Variants in ERBIN observed in about 807,000 individuals in gnomAD.
ERBIN encodes the protein densin-180-like protein.
A neutral mutation model predicts 158.4 loss-of-function variants in ERBIN; 60 were observed. The observed-to-expected ratio is 0.38, with a 90% CI of 0.31 to 0.47. ERBIN has a LOEUF of 0.47. ERBIN is among the 20% of genes least tolerant of loss of function. The pLI is 0.99. For synonymous variants in ERBIN, 594 were observed against 557.2 expected (o/e 1.07, Z -0.93); for missense variants, 1,610 against 1,648.0 (o/e 0.98, Z 0.40).
intron 4 of ERBIN, among the ~76,000 whole-genome samples, chr5:65,999,737 T>C (rs944492252): frequency 1.3e-5 from 2 of 152,212 alleles, no homozygotes; most frequent in Non-Finnish European, 2.9e-5. Flanking sequence ...TTCCTCTCAT[T>C]ATTTTATTCA....
At chr5:65,965,897 G>A (rs1044079488) in intron 1 of ERBIN, among the ~76,000 whole-genome samples, 2 of 152,178 alleles carry the variant, frequency 1.3e-5, no homozygotes, top group East Asian at 3.8e-4. Context: ...ATTTAGTCAT[G>A]CCTGTATCCT....
intron 1 of ERBIN, among the ~76,000 whole-genome samples, chr5:65,955,322 T>G (rs1746971733): frequency 6.6e-6 from 1 of 152,130 alleles, no homozygotes; most frequent in South Asian, 2.1e-4. Context: ...GTAATCTGCT[T>G]CTTGAAAAGA....
intron 1 of ERBIN, among the ~76,000 whole-genome samples, chr5:65,935,816 A>G (rs7703075): frequency 0.043 from 6,561 of 152,168 alleles, 485 homozygotes; most frequent in African/African-American, 0.15. Context: ...CTTTGAACTC[A>G]TGGCCTCAAT....
intron 1 of ERBIN, among the ~76,000 whole-genome samples, chr5:65,968,897 G>C (rs1352631317): frequency 6.6e-6 from 1 of 152,154 alleles, no homozygotes; most frequent in Admixed American, 6.5e-5. Flanking sequence ...AAATTATGTA[G>C]CTCAATTCAT....
rs1247120513 is a variant in ERBIN at position 66,081,209 on chromosome 5, T to C, written c.*2679T>C. On this transcript the variant is annotated 3_prime_UTR_variant, in exon 26 of 26. Coordinates refer to ENST00000284037, the MANE Select transcript of ERBIN (RefSeq NM_001253697.2). ...AAAAATAATACTGATCAGAGTAATT[T>C]ATACGGCATACAATAGTTGATACAA... 1 of 152,006 alleles carries C rather than the reference T, an allele frequency of 6.6e-6. No homozygotes were observed. Among genetic ancestry groups the C allele is most frequent in the Non-Finnish European group, 1.5e-5 (1 of 67,874 alleles). The allele number at this position is 152,006 out of a possible 1,614,324, so 9.4% of individuals were successfully genotyped here. A position where few individuals can be genotyped will look rare whatever the true frequency, so the allele number is the denominator to read the frequency against.
At chr5:65,974,641 C>G (rs1257411089) in intron 1 of ERBIN, among the ~76,000 whole-genome samples, 1 of 152,222 alleles carries the variant, frequency 6.6e-6, no homozygotes, top group East Asian at 1.9e-4. Flanking sequence ...TGCTTTTACT[C>G]AGGTTCTTAC....
At chr5:65,939,078 G>A (rs1460114719) in intron 1 of ERBIN, among the ~76,000 whole-genome samples, 1 of 152,134 alleles carries the variant, frequency 6.6e-6, no homozygotes, top group Non-Finnish European at 1.5e-5. Context: ...GGTTACATAT[G>A]TATGGATTTT....
intron 14 of ERBIN, among the ~76,000 whole-genome samples, chr5:66,034,307 T>A (rs978214283): frequency 5.9e-5 from 9 of 151,776 alleles, no homozygotes; most frequent in Non-Finnish European, 1.0e-4. Flanking sequence ...TTTTTTTTTT[T>A]AAGACAGAGT....
rs142349499 is a variant in ERBIN at position 66,054,392 on chromosome 5, C to G, written c.3074C>G (p.Ser1025Cys). The part of the protein sequence containing the change: ...STENQSYAKH[S>C]ANMNFSNHNN... ...GAAAATCAAAGTTATGCTAAACATT[C>G]TGCCAATATGAATTTCTCTAATCAT... The change falls in exon 21 of 26, where the codon TCT becomes TGT. Residue 1025 changes from serine to cysteine, a missense_variant. Ser to Cys is a moderately radical substitution (Grantham distance 112). This residue lies in a region of ERBIN where 1,014 missense variants were observed against 936.1 expected (regional missense o/e 1.08). Transcript: ENST00000284037. 1.3e-5 allele frequency: 21 copies of G among 1,614,066 alleles called. No homozygotes were observed. The Admixed American group carries it at 1.8e-4, about 14-fold the overall frequency.
At chr5:65,932,154 C>T (rs1368875165) in intron 1 of ERBIN, among the ~76,000 whole-genome samples, 1 of 151,828 alleles carries the variant, frequency 6.6e-6, no homozygotes, top group Non-Finnish European at 1.5e-5. Context: ...CCATGGACAA[C>T]ACAGTGAAAC....
At chr5:66,074,296 AAACAAAGATAGTTCTCT>A (rs1319154739) in intron 22 of ERBIN, among the ~76,000 whole-genome samples, 2 of 152,082 alleles carry the variant, frequency 1.3e-5, no homozygotes, top group African/African-American at 4.8e-5. Context: ...AGAGGCATTA[AAACAAAGATAGTTCTCT>A]AACAACAACA....
At chr5:65,971,530 G>T (rs1178985711) in intron 1 of ERBIN, among the ~76,000 whole-genome samples, 1 of 152,132 alleles carries the variant, frequency 6.6e-6, no homozygotes, top group Admixed American at 6.6e-5. Context: ...TAAAAATAAG[G>T]TAATAAGGAT....
At chr5:66,072,403 C>T in intron 22 of ERBIN, 112 bp downstream of exon 22, 1 of 1,059,914 alleles carries the variant, frequency 9.4e-7, no homozygotes, top group Non-Finnish European at 1.3e-6. Context: ...AGGGCTTTCC[C>T]CCCTTTATTA....
chr5:66,070,108 G>A (rs556254089), intron 21 of ERBIN, among the ~76,000 whole-genome samples: 3 of 151,926 alleles, frequency 2.0e-5, no homozygotes, highest in East Asian at 1.9e-4. Flanking sequence ...GCAATGGCGC[G>A]ATCTCAGCTC....
intron 14 of ERBIN, among the ~76,000 whole-genome samples, chr5:66,031,246 C>CAGT (rs1561399727): frequency 6.6e-6 from 1 of 152,186 alleles, no homozygotes; most frequent in African/African-American, 2.4e-5. Flanking sequence ...CTATGTAGAA[C>CAGT]AGTACATGCA....
At chr5:65,947,699 A>G (rs964247963) in intron 1 of ERBIN, among the ~76,000 whole-genome samples, 2 of 152,094 alleles carry the variant, frequency 1.3e-5, no homozygotes, top group African/African-American at 4.8e-5. Flanking sequence ...AGAGACAAAT[A>G]TTTTTCTTGC....
chr5:66,018,957 TA>T (rs1412571739), intron 7 of ERBIN, among the ~76,000 whole-genome samples: 1 of 152,052 alleles, frequency 6.6e-6, no homozygotes, highest in African/African-American at 2.4e-5. Flanking sequence ...TTTTTGTAAC[TA>T]CTATAAATGG....
intron 15 of ERBIN, among the ~76,000 whole-genome samples, chr5:66,040,092 A>G (rs1757781434): frequency 6.6e-6 from 1 of 151,948 alleles, no homozygotes; most frequent in Admixed American, 6.6e-5. Context: ...ATAATAGCCA[A>G]TTTGAGTCAG....
intron 4 of ERBIN, among the ~76,000 whole-genome samples, chr5:65,996,872 TA>T (rs1350289145): frequency 1.3e-5 from 2 of 152,198 alleles, no homozygotes; most frequent in Non-Finnish European, 2.9e-5. Flanking sequence ...CTAAGTATTT[TA>T]TTTTTTTGGT....
Sources: allele counts gnomAD v4.1 joint callset (sites outside exome capture counted in the v4.1 genomes callset), GRCh38; gene constraint gnomAD v4.1.1; regional missense constraint gnomAD v4.1.1; transcripts MANE v1.5; gene names NCBI Gene and HGNC (gene_info 2026-07-23, HGNC 2026-07-21).